MCM4: variants seen among roughly 807,000 people sequenced by gnomAD.
The protein encoded by MCM4 is minichromosome maintenance complex component 4, also known as DNA replication licensing factor MCM4.
Under a neutral mutation model 88.7 loss-of-function variants are expected in MCM4, and 60 were observed. The observed-to-expected ratio is 0.68, with a 90% CI of 0.55 to 0.84. MCM4 has a LOEUF of 0.84. Ranked by LOEUF, MCM4 falls within the 40% of genes least tolerant of loss-of-function variation. The pLI, the probability that MCM4 is intolerant of heterozygous loss-of-function variation, is 0.00. For synonymous variants in MCM4, 465 were observed against 410.5 expected (o/e 1.13, Z -1.61); for missense variants, 1,149 against 1,105.5 (o/e 1.04, Z -0.56).
chr8:47,970,218 CAT>C (rs1293302193), intron 11 of MCM4, among the ~76,000 whole-genome samples, 161 bp downstream of exon 11: 4 of 152,328 alleles, frequency 2.6e-5, no homozygotes, highest in African/African-American at 7.2e-5. Context: ...TGAGAAGAAT[CAT>C]AGCATTGTCT....
At chr8:47,963,304 A>C (rs1360933610) in intron 7 of MCM4, among the ~76,000 whole-genome samples, 4 of 152,130 alleles carry the variant, frequency 2.6e-5, no homozygotes, top group Non-Finnish European at 4.4e-5. Flanking sequence ...AAATACAAAA[A>C]TTAGCCAGAC....
chr8:47,972,947 C>T lies in MCM4; in HGVS notation c.2019C>T (p.Ser673=), dbSNP rs772801238. ...ACCTGGTCGCACTGTACTACCAGAG[C>T]GAGGAGCAGGCAGAGGAGGAGCTCC... The part of the protein sequence containing the change: ...AHHLVALYYQ[S]EEQAEEELLD... The change falls in exon 14 of 17, where the codon AGC becomes AGT. Residue 673 remains serine, a synonymous_variant. Transcript: ENST00000649973. The T allele has an allele frequency of 8.7e-6, 14 of 1,614,202 alleles. No individual in the cohort carries two copies. The highest frequency in any genetic ancestry group is 6.7e-5 in the Admixed American group (4 of 60,022).
chr8:47,961,080 G>C, intron 1 of MCM4, 51 bp from the exon 2 acceptor site: 1 of 1,482,362 alleles, frequency 6.7e-7, no homozygotes, highest in Admixed American at 2.1e-5. Flanking sequence ...TGCGGAGCAG[G>C]GCAGGGAAGC....
chr8:47,962,125 C>A lies in MCM4; in HGVS notation c.308C>A (p.Pro103Gln). ...CCCAGCTCTCGGGTAGAGGGAACCC[C>A]AAGAAGTGGTGTTAGGGGCACACCT... Reference protein sequence around the residue: ...GTPSSRVEGTPRSGVRGTPVR... With the variant: ...GTPSSRVEGTQRSGVRGTPVR... The change falls in exon 4 of 17, where the codon CCA becomes CAA. Residue 103 changes from proline to glutamine, a missense_variant. By Grantham distance (76) the Pro-to-Gln change is moderately conservative. Transcript: ENST00000649973. 6.2e-7 allele frequency: 1 copy of A among 1,614,168 alleles called. No individual in the cohort carries two copies. Among genetic ancestry groups the A allele is most frequent in the Non-Finnish European group, 8.5e-7 (1 of 1,180,030 alleles).
rs1255001381 is a variant in MCM4, at chr8:47,970,673, A to G, written c.1597A>G (p.Thr533Ala). 2.5e-6 allele frequency: 4 copies of G among 1,614,052 alleles called. No individual in the cohort carries two copies. The highest frequency in any genetic ancestry group is 3.4e-6 in the Non-Finnish European group (4 of 1,180,030). The part of the protein sequence containing the change: ...VYNLVPRGQY[T>A]SGKGSSAVGL... ...CAACCTCGTCCCCAGGGGCCAGTACACGTCTGGGAAGGGCTCCAGTGCAGT... is the reference window on the plus strand; with the variant it reads ...CAACCTCGTCCCCAGGGGCCAGTACGCGTCTGGGAAGGGCTCCAGTGCAGT... Residue 533 changes from threonine to alanine, a missense_variant, in exon 12 of 17, where the codon ACG becomes GCG. Thr to Ala is a moderately conservative substitution (Grantham distance 58). Around this residue, in one of 3 missense-constraint regions of MCM4, gnomAD observed 906 missense variants for 843.0 expected, o/e 1.07. Coordinates refer to ENST00000649973, the MANE Select transcript of MCM4 (RefSeq NM_182746.3).
chr8:47,975,829 T>C lies in MCM4; in HGVS notation c.2480T>C (p.Ile827Thr), dbSNP rs749597187. Residue 827 changes from isoleucine to threonine, a missense_variant, in exon 16 of 17, where the codon ATT becomes ACT. Physicochemically the swap from Ile to Thr is moderately conservative, Grantham distance 89. Transcript: ENST00000649973. Reference sequence around the variant, plus strand: ...AAATACCAGCAACTTTTTGAAGATATTCGGGGACAATCTGACATAGTAAGT... The same window carrying C: ...AAATACCAGCAACTTTTTGAAGATACTCGGGGACAATCTGACATAGTAAGT... ...ALKYQQLFED[I>T]RGQSDIAITK... The C allele has an allele frequency of 2.5e-6, 4 of 1,579,690 alleles. No individual in the cohort carries two copies. The highest frequency in any genetic ancestry group is 1.4e-5 in the African/African-American group (1 of 73,022).
chr8:47,965,557 C>G (rs1384897108), intron 8 of MCM4, among the ~76,000 whole-genome samples: 1 of 152,122 alleles, frequency 6.6e-6, no homozygotes, highest in Non-Finnish European at 1.5e-5. Flanking sequence ...CAGGCCAGAA[C>G]AGGGTAGCTT....
In MCM4 at chr8:47,977,767, A is replaced by G. The variant is rs2091013780; in HGVS notation, c.*989A>G. 1 of 151,864 alleles carries G rather than the reference A, an allele frequency of 6.6e-6. No individual in the cohort carries two copies. Among genetic ancestry groups the G allele is most frequent in the Admixed American group, 6.6e-5 (1 of 15,234 alleles). The allele number at this position is 151,864 out of a possible 1,614,324, so 9.4% of individuals were successfully genotyped here. A position where few individuals can be genotyped will look rare whatever the true frequency, so the allele number is the denominator to read the frequency against. ...AGCCACTGCACCCAGCCTTTGTTTT[A>G]TTTTTTATTTTTTGAGAGGTATGAT... On this transcript the variant is annotated 3_prime_UTR_variant, in exon 17 of 17. Transcript: ENST00000649973.
intron 16 of MCM4, among the ~76,000 whole-genome samples, chr8:47,976,285 T>A (rs1371800412): frequency 7.0e-6 from 1 of 142,006 alleles, no homozygotes; most frequent in Admixed American, 7.3e-5. Context: ...AGAGCGGAAC[T>A]CCATCTCAAA....
rs2091007498 is a variant in MCM4, at chr8:47,977,005, C to G, written c.*227C>G. On this transcript the variant is annotated 3_prime_UTR_variant, in exon 17 of 17. Coordinates refer to ENST00000649973, the MANE Select transcript of MCM4 (RefSeq NM_182746.3). ...TGCTGGCCGGGCGCGGTGGCTCACACCTGTAATCCCAGCACTTTGGGAGGC... is the reference window on the plus strand; with the variant it reads ...TGCTGGCCGGGCGCGGTGGCTCACAGCTGTAATCCCAGCACTTTGGGAGGC... 6.0e-6 allele frequency: 2 copies of G among 331,358 alleles called. No homozygotes were observed. The highest frequency in any genetic ancestry group is 1.0e-3 in the Middle Eastern group (1 of 994). The allele number at this position is 331,358 out of a possible 1,614,324, so 20.5% of individuals were successfully genotyped here.
chr8:47,975,865 A>G lies in MCM4; in HGVS notation c.2499+17A>G. 6.8e-7 allele frequency: 1 copy of G among 1,467,478 alleles called. No homozygotes were observed. Among genetic ancestry groups the G allele is most frequent in the Non-Finnish European group, 9.0e-7 (1 of 1,111,544 alleles). 90.9% of individuals were successfully genotyped at this position (1,467,478 alleles called of 1,614,324 possible). ...TCTGACATAGTAAGTGTTTATATGT[A>G]TTTTTTGTTTGATAGAGCTTTCTCT... On this transcript the variant is annotated intron_variant, in intron 16 of 16. Coordinates refer to ENST00000649973, the MANE Select transcript of MCM4 (RefSeq NM_182746.3).
In MCM4 at chr8:47,967,393, T is replaced by G. The variant is rs1462986504; in HGVS notation, c.1082T>G (p.Met361Arg). 6 of 1,614,090 alleles carry G rather than the reference T, an allele frequency of 3.7e-6. No homozygotes were observed. Among genetic ancestry groups the G allele is most frequent in the Admixed American group, 1.7e-5 (1 of 60,000 alleles). Residue 361 changes from methionine (M) to arginine (R), a missense_variant, in exon 10 of 17, where the codon ATG (methionine) becomes AGG (arginine). Physicochemically the swap from Met to Arg is moderately conservative, Grantham distance 91. Coordinates refer to ENST00000649973, the MANE Select transcript of MCM4 (RefSeq NM_182746.3). ...MIKLQESPED[M>R]PAGQTPHTVI... ...AAGCTTCAGGAGTCTCCGGAAGACATGCCTGCAGGGCAGACACCACACACA... is the reference window on the plus strand; with the variant it reads ...AAGCTTCAGGAGTCTCCGGAAGACAGGCCTGCAGGGCAGACACCACACACA...
At position 47,961,299 on chromosome 8, in the gene MCM4, C is replaced by T. The variant is rs17287540; in HGVS notation, c.70+85C>T. ...CGCAGCTGGCAGCGCTGGGTGGGTGCGCGGGACCCGGGCGCTCAGCCTCGG... is the reference window on the plus strand; with the variant it reads ...CGCAGCTGGCAGCGCTGGGTGGGTGTGCGGGACCCGGGCGCTCAGCCTCGG... On this transcript the variant is annotated intron_variant, in intron 2 of 16. Coordinates refer to ENST00000649973, the MANE Select transcript of MCM4 (RefSeq NM_182746.3). 563 of 1,426,490 alleles carry T rather than the reference C, an allele frequency of 3.9e-4. 3 individuals are homozygous for T. In the African/African-American group the frequency reaches 8.0e-3, roughly 20 times the overall value. The allele number at this position is 1,426,490 out of a possible 1,614,324, so 88.4% of individuals were successfully genotyped here.
intron 9 of MCM4, among the ~76,000 whole-genome samples, chr8:47,966,824 A>G (rs974094282): frequency 2.6e-5 from 4 of 152,258 alleles, no homozygotes; most frequent in African/African-American, 9.6e-5. Flanking sequence ...TGAAGTTATT[A>G]AAATGACAGA....
chr8:47,970,714 C>T lies in MCM4; in HGVS notation c.1638C>T (p.Tyr546=), dbSNP rs143165069. The change falls in exon 12 of 17, where the codon TAC becomes TAT. Residue 546 remains tyrosine (Y), a synonymous_variant. Coordinates refer to ENST00000649973, the MANE Select transcript of MCM4 (RefSeq NM_182746.3). ...CCAGTGCAGTTGGCCTCACTGCGTA[C>T]GTAATGAAAGACCCTGAGACAAGGC... is the stretch of plus-strand genomic sequence containing the variant. ...KGSSAVGLTA[Y]VMKDPETRQL... The T allele has an allele frequency of 4.3e-6, 7 of 1,614,166 alleles. No individual in the cohort carries two copies. The highest frequency in any genetic ancestry group is 2.2e-5 in the South Asian group (2 of 91,086).
At chr8:47,961,325 G>A in intron 2 of MCM4, 111 bp downstream of exon 2, 1 of 1,450,180 alleles carries the variant, frequency 6.9e-7, no homozygotes, top group Non-Finnish European at 9.0e-7. Flanking sequence ...TCAGCCTCGG[G>A]CTGGGCGCTG....
Position 47,961,114 on chromosome 8 carries a change from T to C in MCM4, c.-14-17T>C, listed in dbSNP as rs1385150729. Reference sequence around the variant, plus strand: ...GCCGGGAGGCGGGCCCGGCCCGAGCTTGTCCTTGTCGCGCAGGTACTCCGA... The same window carrying C: ...GCCGGGAGGCGGGCCCGGCCCGAGCCTGTCCTTGTCGCGCAGGTACTCCGA... On this transcript the variant is annotated splice_polypyrimidine_tract_variant and intron_variant, in intron 1 of 16. Coordinates refer to ENST00000649973, the MANE Select transcript of MCM4 (RefSeq NM_182746.3). 2 of 1,540,850 alleles carry C rather than the reference T, an allele frequency of 1.3e-6. No homozygotes were observed. The highest frequency in any genetic ancestry group is 1.7e-6 in the Non-Finnish European group (2 of 1,153,312).
chr8:47,970,382 C>CTT, intron 11 of MCM4, 129 bp from the exon 12 acceptor site: 1 of 1,244,164 alleles, frequency 8.0e-7, no homozygotes, highest in Non-Finnish European at 1.1e-6. Flanking sequence ...TTTCACGAGC[C>CTT]TTTTTATACC....
rs141004108 is a variant in MCM4, at chr8:47,969,951, A to G, written c.1328A>G (p.Glu443Gly). ...DEEAEQKLFS[E>G]KRVELLKELS... is the part of the protein sequence containing the mutation. ...GAAGCAGAACAGAAACTTTTTTCAG[A>G]GAAACGTGTGGAATTGCTTAAGGAA... The change falls in exon 11 of 17, where the codon GAG (glutamate) becomes GGG (glycine). Residue 443 changes from glutamate to glycine, a missense_variant. Transcript: ENST00000649973. 12 of 1,614,106 alleles carry G rather than the reference A, an allele frequency of 7.4e-6. No individual in the cohort carries two copies. In the African/African-American group the frequency reaches 1.6e-4, roughly 22 times the overall value.
Sources: allele counts gnomAD v4.1 joint callset (sites outside exome capture counted in the v4.1 genomes callset), GRCh38; gene constraint gnomAD v4.1.1; regional missense constraint gnomAD v4.1.1; transcripts MANE v1.5; gene names NCBI Gene and HGNC (gene_info 2026-07-23, HGNC 2026-07-21).